The following CES1 variants were observed in gnomAD, a reference collection of about 807,000 sequenced individuals.
CES1 encodes the protein carboxylesterase 1, also known as liver carboxylesterase 1.
Under a neutral mutation model 53.0 loss-of-function variants are expected in CES1, and 50 were observed. The observed-to-expected ratio is 0.94, with a 90% CI of 0.75 to 1.19. The LOEUF is 1.19. CES1 is among the 50% of genes most tolerant of loss of function. CES1 has a pLI of 0.00. For synonymous variants in CES1, 202 were observed against 210.1 expected (o/e 0.96, Z 0.33); for missense variants, 534 against 538.0 (o/e 0.99, Z 0.07).
At chr16:55,822,371 G>A (rs1386450106) in intron 4 of CES1, among the ~76,000 whole-genome samples, 2 of 152,248 alleles carry the variant, frequency 1.3e-5, no homozygotes, top group Admixed American at 1.3e-4. Context: ...GCAAAGTAGG[G>A]GACTCTGAGT....
intron 9 of CES1, among the ~76,000 whole-genome samples, chr16:55,811,444 T>G (rs2031695661): frequency 6.6e-6 from 1 of 152,170 alleles, no homozygotes; most frequent in Admixed American, 6.5e-5. Flanking sequence ...CCTTAAATCC[T>G]GTCTTCGTGG....
chr16:55,813,371 G>A (rs1323680595), intron 8 of CES1, among the ~76,000 whole-genome samples: 1 of 152,178 alleles, frequency 6.6e-6, no homozygotes, highest in Non-Finnish European at 1.5e-5. Context: ...ATTGATTTTC[G>A]GTAGTCCTGG....
In CES1 at chr16:55,812,990, AG is replaced by A; in HGVS notation, c.998del (p.Pro333LeufsTer27). On this transcript the variant is annotated frameshift_variant, in exon 9 of 14. Transcript: ENST00000360526. LOFTEE classifies it high-confidence loss of function. The part of the protein sequence containing the change: ...VIDGMLLLKT[P>X]EELQAERNFH... ...AATTCCTTTCAGCTTGAAGCTCTTC[AG>A]GTGTTTTCAGCAGCAGCATCCCATC... 6.2e-7 allele frequency: 1 copy of A among 1,614,032 alleles called. No homozygotes were observed.
chr16:55,829,349 A>C (rs547525165), intron 1 of CES1, among the ~76,000 whole-genome samples: 7 of 152,368 alleles, frequency 4.6e-5, no homozygotes, highest in African/African-American at 1.7e-4. Context: ...ATATTCTCAC[A>C]AGCACTGACC....
intron 1 of CES1, 66 bp from the exon 2 acceptor site, chr16:55,829,040 T>C: frequency 6.5e-7 from 1 of 1,533,684 alleles, no homozygotes; most frequent in Non-Finnish European, 8.8e-7. Context: ...CCAGGTGGAG[T>C]TTGCCGCTTT....
chr16:55,810,821 C>T, intron 10 of CES1, 106 bp downstream of exon 10: 9 of 1,398,280 alleles, frequency 6.4e-6, no homozygotes, highest in Non-Finnish European at 9.1e-6. Flanking sequence ...ATGGGGGAAA[C>T]CCTGAGGCCC....
intron 8 of CES1, among the ~76,000 whole-genome samples, chr16:55,816,239 G>A (rs1172828910): frequency 1.3e-5 from 2 of 152,212 alleles, no homozygotes; most frequent in African/African-American, 4.8e-5. Flanking sequence ...GGTCCCAAGA[G>A]GGTAGGGAGT....
intron 9 of CES1, 152 bp from the exon 10 acceptor site, chr16:55,811,162 A>G: frequency 1.6e-6 from 1 of 633,746 alleles, no homozygotes. Context: ...GGTGAAATCA[A>G]TGAATCAAAT....
intron 8 of CES1, among the ~76,000 whole-genome samples, chr16:55,815,027 C>A (rs569578121): frequency 1.3e-5 from 2 of 152,208 alleles, no homozygotes; most frequent in African/African-American, 2.4e-5. Context: ...CGCCTGCCTG[C>A]GGTGGGCTCT....
intron 7 of CES1, among the ~76,000 whole-genome samples, chr16:55,818,266 T>C (rs1257229746): frequency 2.0e-5 from 3 of 152,342 alleles, no homozygotes; most frequent in East Asian, 1.9e-4. Context: ...GAGACTGCCA[T>C]GGCCATCCAA....
intron 11 of CES1, among the ~76,000 whole-genome samples, chr16:55,808,328 T>C (rs2031527832): frequency 6.6e-6 from 1 of 151,564 alleles, no homozygotes; most frequent in African/African-American, 2.4e-5. Context: ...AACACAAGTC[T>C]TCAGAGGAAA....
intron 3 of CES1, 75 bp from the exon 4 acceptor site, chr16:55,823,758 G>A (rs190679148): frequency 6.2e-7 from 1 of 1,604,496 alleles, no homozygotes; most frequent in Admixed American, 1.7e-5. Flanking sequence ...CTTGTTTGGT[G>A]ACCTACCTGT....
rs752490655 is a variant in CES1, at chr16:55,828,812, G to T, written c.215C>A (p.Ala72Glu). The change falls in exon 2 of 14, where the codon GCA becomes GAA. Residue 72 changes from alanine (A) to glutamate (E), a missense_variant. Coordinates refer to ENST00000360526, the MANE Select transcript of CES1 (RefSeq NM_001025195.2). ...GPLRFTPPQP[A>E]EPWSFVKNAT... Reference sequence around the variant, plus strand: ...ATTCTTCACAAAGCTCCATGGTTCTGCAGGCTGCGGTGGAGTAAACCTCAG... The same window carrying T: ...ATTCTTCACAAAGCTCCATGGTTCTTCAGGCTGCGGTGGAGTAAACCTCAG... 6.2e-6 allele frequency: 10 copies of T among 1,614,294 alleles called. No homozygotes were observed. The highest frequency in any genetic ancestry group is 7.6e-6 in the Non-Finnish European group (9 of 1,180,052).
intron 3 of CES1, among the ~76,000 whole-genome samples, chr16:55,824,211 T>C (rs2032331922): frequency 6.6e-6 from 1 of 152,178 alleles, no homozygotes; most frequent in African/African-American, 2.4e-5. Flanking sequence ...CCAAATCCTA[T>C]CCACCCTGCA....
At chr16:55,812,113 C>T (rs1188016602) in intron 9 of CES1, among the ~76,000 whole-genome samples, 1 of 152,176 alleles carries the variant, frequency 6.6e-6, no homozygotes, top group Non-Finnish European at 1.5e-5. Flanking sequence ...GGACTATTTC[C>T]CCTATTGCAA....
chr16:55,809,760 T>C (rs2031604662), intron 11 of CES1, among the ~76,000 whole-genome samples: 1 of 152,258 alleles, frequency 6.6e-6, no homozygotes, highest in Non-Finnish European at 1.5e-5. Context: ...CTGGATCCCA[T>C]GCAGGGCTCC....
At chr16:55,827,344 G>T (rs2032460128) in intron 2 of CES1, among the ~76,000 whole-genome samples, 2 of 150,776 alleles carry the variant, frequency 1.3e-5, no homozygotes, top group South Asian at 4.2e-4. Context: ...AGAACTCACT[G>T]GTCTTCAGAT....
At chr16:55,832,285 G>A (rs1464056242) in intron 1 of CES1, among the ~76,000 whole-genome samples, 6 of 152,098 alleles carry the variant, frequency 3.9e-5, no homozygotes, top group Non-Finnish European at 5.9e-5. Context: ...TGTGCCCCGC[G>A]CACTGGTGTC....
intron 7 of CES1, among the ~76,000 whole-genome samples, chr16:55,819,084 T>C (rs1255343355): frequency 6.6e-6 from 1 of 152,222 alleles, no homozygotes; most frequent in African/African-American, 2.4e-5. Flanking sequence ...TATCCTAGGA[T>C]GACAACTGAG....
Sources: allele counts gnomAD v4.1 joint callset (sites outside exome capture counted in the v4.1 genomes callset), GRCh38; gene constraint gnomAD v4.1.1; transcripts MANE v1.5; gene names NCBI Gene and HGNC (gene_info 2026-07-23, HGNC 2026-07-21).